The following PGM1 variants were observed in gnomAD, a reference collection of about 807,000 sequenced individuals.
PGM1 encodes phosphoglucomutase-1.
In PGM1, 52 loss-of-function variants were observed where a neutral mutation model predicts 55.6. That is an observed-to-expected ratio of 0.94 (90% CI 0.75 to 1.18). The LOEUF (loss-of-function observed/expected upper bound fraction) is 1.18, where lower values mean the gene tolerates loss of function less well. PGM1 is among the 50% of genes most tolerant of loss of function. The probability of loss-of-function intolerance (pLI) is 0.00; values close to 1 mark genes in which losing one functional copy is unlikely to be tolerated. For synonymous variants in PGM1, 287 were observed against 271.7 expected (o/e 1.06, Z -0.55); for missense variants, 724 against 729.3 (o/e 0.99, Z 0.08).
chr1:63,593,656 G>C lies in PGM1; in HGVS notation c.168G>C (p.Thr56=). ...AGCCGGCGCAGCGGCAGGAGGCCAC[G>C]CTGGTGGTGGGCGGGGACGGCCGGT... ...TVEPAQRQEA[T]LVVGGDGRFY... Residue 56 remains threonine, a synonymous_variant, in exon 1 of 11, where the codon ACG becomes ACC. Transcript: ENST00000371084. 1 of 1,609,680 alleles carries C rather than the reference G, an allele frequency of 6.2e-7. No homozygotes were observed.
At chr1:63,659,373 G>C (rs1268714473) in intron 10 of PGM1, among the ~76,000 whole-genome samples, 1 of 152,170 alleles carries the variant, frequency 6.6e-6, no homozygotes, top group Non-Finnish European at 1.5e-5. Flanking sequence ...ACTCCTAGTT[G>C]TTCACTTTAC....
At position 63,645,365 on chromosome 1, in the gene PGM1, A is replaced by G. The variant is rs1649620908; in HGVS notation, c.1145-3152A>G. ...ACACTGCCTTCTATGCTTTCAGTCT[A>G]GCCAAAAGAGAAAAAAGAAAAAAAA... On this transcript the variant is annotated intron_variant, in intron 7 of 10. Coordinates refer to ENST00000371084, the MANE Select transcript of PGM1 (RefSeq NM_002633.3). Among the ~76,000 whole-genome samples, 2 of 152,152 alleles carry G rather than the reference A, an allele frequency of 1.3e-5. 1 individual carries two copies. Among genetic ancestry groups the G allele is most frequent in the Non-Finnish European group, 2.9e-5 (2 of 68,016 alleles).
chr1:63,603,172 C>T (rs1031138400), intron 1 of PGM1, among the ~76,000 whole-genome samples: 1 of 152,226 alleles, frequency 6.6e-6, no homozygotes. Flanking sequence ...TTACAAGTTA[C>T]TGCCACATGC....
chr1:63,658,562 G>A (rs959809899), intron 10 of PGM1, among the ~76,000 whole-genome samples: 8 of 152,004 alleles, frequency 5.3e-5, no homozygotes, highest in African/African-American at 1.9e-4. Flanking sequence ...AGACCAGCCT[G>A]ACCAACATGG....
intron 1 of PGM1, 27 bp downstream of exon 1, chr1:63,593,761 T>C (rs759104544): frequency 6.4e-7 from 1 of 1,567,238 alleles, no homozygotes; most frequent in South Asian, 1.2e-5. Context: ...CCCGCGCCGC[T>C]GTGCACCCTG....
In PGM1 at chr1:63,629,547, C is replaced by T; in HGVS notation, c.369C>T (p.Pro123=). Residue 123 remains proline, a synonymous_variant, in exon 2 of 11, where the codon CCC becomes CCT. Transcript: ENST00000371084. The part of the protein sequence containing the change: ...ILTASHNPGG[P]NGDFGIKFNI... ...CAGCCAGTCACAACCCAGGGGGCCCCAATGGAGATTTTGGAATCAAATTCA... is the reference window on the plus strand; with the variant it reads ...CAGCCAGTCACAACCCAGGGGGCCCTAATGGAGATTTTGGAATCAAATTCA... 1 of 1,613,836 alleles carries T rather than the reference C, an allele frequency of 6.2e-7. No individual in the cohort carries two copies. Among genetic ancestry groups the T allele is most frequent in the Non-Finnish European group, 8.5e-7 (1 of 1,179,824 alleles).
intron 1 of PGM1, among the ~76,000 whole-genome samples, chr1:63,601,870 G>A (rs184825357): frequency 2.0e-5 from 3 of 152,170 alleles, no homozygotes; most frequent in Non-Finnish European, 2.9e-5. Context: ...CATAAAGACA[G>A]CCCTGAATTA....
In PGM1 at chr1:63,593,528, G is replaced by A; in HGVS notation, c.40G>A (p.Asp14Asn). Residue 14 changes from aspartate to asparagine, a missense_variant, in exon 1 of 11, where the codon GAC becomes AAC. Coordinates refer to ENST00000371084, the MANE Select transcript of PGM1 (RefSeq NM_002633.3). ...IVTVKTQAYQ[D>N]QKPGTSGLRK... is the part of the protein sequence containing the mutation. ...GACAGTTAAGACCCAGGCGTACCAG[G>A]ACCAGAAGCCGGGCACGAGCGGGCT... 6.2e-7 allele frequency: 1 copy of A among 1,613,920 alleles called. No homozygotes were observed. Among genetic ancestry groups the A allele is most frequent in the Non-Finnish European group, 8.5e-7 (1 of 1,179,942 alleles).
chr1:63,618,527 T>C (rs1648802138), intron 1 of PGM1, among the ~76,000 whole-genome samples: 1 of 152,160 alleles, frequency 6.6e-6, no homozygotes, highest in African/African-American at 2.4e-5. Flanking sequence ...ATACCTAGTT[T>C]TCCCCCCCTT....
intron 4 of PGM1, among the ~76,000 whole-genome samples, chr1:63,634,109 A>G (rs1054909268): frequency 3.3e-5 from 5 of 150,604 alleles, no homozygotes; most frequent in African/African-American, 1.2e-4. Context: ...TCAGTTTGTC[A>G]GCTAGCTTGT....
chr1:63,621,394 A>G (rs941874575), intron 1 of PGM1, among the ~76,000 whole-genome samples: 2 of 152,178 alleles, frequency 1.3e-5, no homozygotes, highest in African/African-American at 4.8e-5. Context: ...TCAAGATCTC[A>G]TTAAGAAAAC....
intron 8 of PGM1, among the ~76,000 whole-genome samples, chr1:63,650,710 A>C (rs1424110816): frequency 1.3e-5 from 2 of 152,202 alleles, no homozygotes; most frequent in Non-Finnish European, 2.9e-5. Flanking sequence ...CACCTGTACA[A>C]GTCTTTAACA....
chr1:63,658,894 G>A (rs978419843), intron 10 of PGM1, among the ~76,000 whole-genome samples: 5 of 152,192 alleles, frequency 3.3e-5, no homozygotes, highest in Admixed American at 1.3e-4. Context: ...CAATCATGGT[G>A]GAAGGCAAGA....
At chr1:63,605,031 C>T (rs1173508746) in intron 1 of PGM1, among the ~76,000 whole-genome samples, 4 of 151,700 alleles carry the variant, frequency 2.6e-5, no homozygotes, top group Admixed American at 6.6e-5. Context: ...TTCACATTGT[C>T]GCATTGTCCT....
chr1:63,614,406 C>T (rs1462195334), intron 1 of PGM1, among the ~76,000 whole-genome samples: 2 of 152,148 alleles, frequency 1.3e-5, no homozygotes, highest in African/African-American at 4.8e-5. Flanking sequence ...TCACTGAAGC[C>T]TTGATTGAGG....
In PGM1 at chr1:63,638,800, G is replaced by A. The variant is rs750763684; in HGVS notation, c.1144G>A (p.Gly382Ser). 15 of 1,601,540 alleles carry A rather than the reference G, an allele frequency of 9.4e-6. No individual in the cohort carries two copies. Among genetic ancestry groups the A allele is most frequent in the African/African-American group, 5.4e-5 (4 of 74,658 alleles). The change falls in exon 7 of 11, where the codon GGT becomes AGT. Residue 382 changes from glycine to serine, a missense_variant and splice_region_variant. Physicochemically the swap from Gly to Ser is moderately conservative, Grantham distance 56. This residue lies in a region of PGM1 where 316 missense variants were observed against 313.1 expected (regional missense o/e 1.01). Coordinates refer to ENST00000371084, the MANE Select transcript of PGM1 (RefSeq NM_002633.3). The stretch of plus-strand genomic sequence containing the variant: ...TTGTGGGGAGGAGAGCTTCGGGACC[G>A]GTAAGTCACACTCCTGTGCTAGCAT... The part of the protein sequence containing the change: ...SLCGEESFGT[G>S]SDHIREKDGL...
At chr1:63,596,059 T>A (rs1648056546) in intron 1 of PGM1, among the ~76,000 whole-genome samples, 1 of 152,118 alleles carries the variant, frequency 6.6e-6, no homozygotes, top group Non-Finnish European at 1.5e-5. Flanking sequence ...ATTCATGGAA[T>A]ACACTCTGGT....
At chr1:63,639,541 G>A (rs1649459417) in intron 7 of PGM1, among the ~76,000 whole-genome samples, 1 of 151,988 alleles carries the variant, frequency 6.6e-6, no homozygotes, top group Non-Finnish European at 1.5e-5. Flanking sequence ...TTTCCTAAAA[G>A]TCTGTTCAGG....
At chr1:63,655,015 C>G (rs1285406599) in intron 10 of PGM1, among the ~76,000 whole-genome samples, 1 of 147,866 alleles carries the variant, frequency 6.8e-6, no homozygotes, top group Non-Finnish European at 1.5e-5. Context: ...GTTGCCCAGG[C>G]TGGAGTGCAA....
Sources: allele counts gnomAD v4.1 joint callset (sites outside exome capture counted in the v4.1 genomes callset), GRCh38; gene constraint gnomAD v4.1.1; regional missense constraint gnomAD v4.1.1; transcripts MANE v1.5; gene names NCBI Gene and HGNC (gene_info 2026-07-23, HGNC 2026-07-21).